Variants in RABGAP1L observed in about 807,000 individuals in gnomAD.
The protein encoded by RABGAP1L is RAB GTPase activating protein 1 like, also known as rab GTPase-activating protein 1-like.
RABGAP1L carries 63 observed loss-of-function variants against 137.7 expected under a neutral mutation model. The ratio of observed to expected loss-of-function variants is 0.46; its 90% CI spans 0.37 to 0.56. The LOEUF is 0.56. Ranked by LOEUF, RABGAP1L falls within the 20% of genes least tolerant of loss-of-function variation. RABGAP1L has a pLI of 0.00. For synonymous variants in RABGAP1L, 431 were observed against 433.7 expected (o/e 0.99, Z 0.08); for missense variants, 1,095 against 1,244.0 (o/e 0.88, Z 1.80).
chr1:174,859,252 C>T (rs58641691), intron 19 of RABGAP1L, among the ~76,000 whole-genome samples: 86 of 152,158 alleles, frequency 5.7e-4, no homozygotes, highest in African/African-American at 1.8e-3. Context: ...GAGGCCAAGA[C>T]GGGTGGATCA....
chr1:174,646,512 G>A (rs913614008), intron 14 of RABGAP1L, among the ~76,000 whole-genome samples: 7 of 152,154 alleles, frequency 4.6e-5, no homozygotes, highest in Non-Finnish European at 1.0e-4. Context: ...TCAAATATCA[G>A]ATGTTTGTAG....
intron 13 of RABGAP1L, among the ~76,000 whole-genome samples, chr1:174,527,925 A>G (rs367789028): frequency 1.9e-5 from 1 of 51,584 alleles, no homozygotes; most frequent in Non-Finnish European, 4.2e-5. Context: ...TTTTTACCTT[A>G]TTTTGACTCA....
At chr1:174,475,303 T>C (rs1658381511) in intron 13 of RABGAP1L, among the ~76,000 whole-genome samples, 1 of 152,152 alleles carries the variant, frequency 6.6e-6, no homozygotes, top group South Asian at 2.1e-4. Context: ...TCCCTTGTTA[T>C]GCTTTTTTTT....
At chr1:174,521,884 G>T (rs1266414510) in intron 13 of RABGAP1L, among the ~76,000 whole-genome samples, 1 of 152,090 alleles carries the variant, frequency 6.6e-6, no homozygotes, top group Non-Finnish European at 1.5e-5. Flanking sequence ...TTCGAGACCA[G>T]CCTGACCAAC....
intron 13 of RABGAP1L, among the ~76,000 whole-genome samples, chr1:174,562,870 G>A (rs984898435): frequency 2.0e-4 from 31 of 152,160 alleles, no homozygotes; most frequent in African/African-American, 7.2e-4. Context: ...GGGGGGCTAG[G>A]AGAGGGATAA....
At chr1:174,250,194 C>A (rs1190562320) in intron 5 of RABGAP1L, among the ~76,000 whole-genome samples, 1 of 152,074 alleles carries the variant, frequency 6.6e-6, no homozygotes, top group Non-Finnish European at 1.5e-5. Context: ...CCTTCTTGGA[C>A]TTCACATTGA....
chr1:174,738,761 A>G (rs371557516), intron 17 of RABGAP1L, among the ~76,000 whole-genome samples: 3 of 152,304 alleles, frequency 2.0e-5, no homozygotes, highest in East Asian at 3.9e-4. Flanking sequence ...ATGAACTTCT[A>G]TTGTGAACTT....
chr1:174,939,555 AAAAAAAAG>A (rs1436960494), intron 19 of RABGAP1L, among the ~76,000 whole-genome samples: 22 of 152,164 alleles, frequency 1.4e-4, no homozygotes, highest in African/African-American at 5.3e-4. Context: ...CACAAAAAAA[AAAAAAAAG>A]AAAAAAAGAA....
At chr1:174,793,998 A>C (rs1388644187) in intron 18 of RABGAP1L, among the ~76,000 whole-genome samples, 1 of 152,088 alleles carries the variant, frequency 6.6e-6, no homozygotes, top group African/African-American at 2.4e-5. Context: ...TGCCCGGCCC[A>C]GAATCAAGAC....
At chr1:174,625,099 C>G (rs975680332) in intron 13 of RABGAP1L, among the ~76,000 whole-genome samples, 1 of 151,948 alleles carries the variant, frequency 6.6e-6, no homozygotes, top group African/African-American at 2.4e-5. Flanking sequence ...GTCTTCAACT[C>G]CTGATCTCAT....
intron 19 of RABGAP1L, among the ~76,000 whole-genome samples, chr1:174,912,533 G>A (rs535859010): frequency 1.3e-5 from 2 of 152,266 alleles, no homozygotes; most frequent in South Asian, 2.1e-4. Context: ...ATAACCATGT[G>A]CATATTAATA....
At chr1:174,186,069 G>A (rs777966449) in intron 1 of RABGAP1L, among the ~76,000 whole-genome samples, 8 of 151,760 alleles carry the variant, frequency 5.3e-5, no homozygotes, top group Non-Finnish European at 1.2e-4. Context: ...GCTTGAACCC[G>A]GGAGGCGGAG....
At chr1:174,697,516 G>A (rs148838981) in intron 15 of RABGAP1L, among the ~76,000 whole-genome samples, 32,497 of 151,982 alleles carry the variant, frequency 0.21, 3,785 homozygotes, top group Admixed American at 0.25. Context: ...ACGGGGTTTC[G>A]TCATGTTGGC....
At chr1:174,762,162 T>G (rs1464864314) in intron 18 of RABGAP1L, among the ~76,000 whole-genome samples, 2 of 152,128 alleles carry the variant, frequency 1.3e-5, no homozygotes, top group Non-Finnish European at 2.9e-5. Context: ...GTAAATTTTT[T>G]CTTGCTTAAA....
chr1:174,252,396 T>C lies in RABGAP1L; in HGVS notation c.876-84T>C, dbSNP rs746898577. 24 of 1,510,746 alleles carry C rather than the reference T, an allele frequency of 1.6e-5. No individual in the cohort carries two copies. The South Asian group carries it at 2.6e-4, about 16-fold the overall frequency. 93.6% of individuals were successfully genotyped at this position (1,510,746 alleles called of 1,614,324 possible). A position where few individuals can be genotyped will look rare whatever the true frequency, so the allele number is the denominator to read the frequency against. On this transcript the variant is annotated intron_variant, in intron 6 of 25. Transcript: ENST00000681986. ...TAAGGGTGTTGTTGCTTAAATACTT[T>C]GTTGTTTTGTTCTAACCTTGGAATA... is the stretch of plus-strand genomic sequence containing the variant.
chr1:174,348,559 A>T (rs1480539164), intron 11 of RABGAP1L, among the ~76,000 whole-genome samples: 2 of 142,066 alleles, frequency 1.4e-5, no homozygotes, highest in African/African-American at 5.2e-5. Context: ...CAGCAGATAA[A>T]CAAGTGAACA....
chr1:174,835,564 A>G (rs1197296314), intron 19 of RABGAP1L, among the ~76,000 whole-genome samples: 1 of 152,170 alleles, frequency 6.6e-6, no homozygotes, highest in Non-Finnish European at 1.5e-5. Flanking sequence ...ACGCTGTGGC[A>G]GAGATTGGCT....
chr1:174,211,282 C>G (rs909032286), intron 1 of RABGAP1L, among the ~76,000 whole-genome samples: 10 of 152,080 alleles, frequency 6.6e-5, no homozygotes, highest in African/African-American at 2.4e-4. Flanking sequence ...ACTGCAACAA[C>G]TTTTCAAGAC....
chr1:174,280,050 A>AGGGAGG (rs778800389), intron 10 of RABGAP1L, among the ~76,000 whole-genome samples: 6 of 86,296 alleles, frequency 7.0e-5, no homozygotes, highest in African/African-American at 2.1e-4. Context: ...GTCTGCCTGG[A>AGGGAGG]GAGAGAGAGA....
Sources: gnomAD v4.1 joint callset for allele counts (sites outside exome capture counted in the v4.1 genomes callset) on GRCh38, gnomAD v4.1.1 for gene constraint, MANE v1.5 for transcripts, NCBI Gene and HGNC (gene_info 2026-07-23, HGNC 2026-07-21) for gene names.